FCHSD2: variants seen among roughly 807,000 people sequenced by gnomAD.
FCHSD2 encodes FCH and double SH3 domains 2, also known as F-BAR and double SH3 domains protein 2.
Under a neutral mutation model 108.1 loss-of-function variants are expected in FCHSD2, and 38 were observed. That is an observed-to-expected ratio of 0.35 (90% confidence interval 0.27 to 0.46). The LOEUF (loss-of-function observed/expected upper bound fraction) is 0.46. Ranked by LOEUF, FCHSD2 falls within the 20% of genes least tolerant of loss-of-function variation. The pLI, the probability that FCHSD2 is intolerant of heterozygous loss-of-function variation, is 1.00. For missense variants in FCHSD2, 751 were observed against 897.8 expected (o/e 0.84, Z 2.09); for synonymous variants, 279 against 314.7 (o/e 0.89, Z 1.20).
chr11:73,050,926 C>A (rs1022589824), intron 3 of FCHSD2, among the ~76,000 whole-genome samples: 2 of 152,184 alleles, frequency 1.3e-5, no homozygotes, highest in African/African-American at 4.8e-5. Context: ...CTGTTTGTTA[C>A]TGATACATAA....
rs1861266109 is a variant in FCHSD2, at chr11:73,142,181, G to T, written c.-304C>A. 4.6e-6 allele frequency: 1 copy of T among 218,146 alleles called. No individual in the cohort carries two copies. 13.5% of individuals were successfully genotyped at this position (218,146 alleles called of 1,614,324 possible). ...AGGGGGCGGGGGCCCCAGGAGCAGG[G>T]GCGCGAGGGTCTCAGCCGGCCGGGC... is the stretch of plus-strand genomic sequence containing the variant. On this transcript the variant is annotated 5_prime_UTR_variant, in exon 1 of 20. Coordinates refer to ENST00000409418, the MANE Select transcript of FCHSD2 (RefSeq NM_014824.3).
At chr11:73,103,374 T>C (rs1380148782) in intron 2 of FCHSD2, among the ~76,000 whole-genome samples, 1 of 152,200 alleles carries the variant, frequency 6.6e-6, no homozygotes, top group African/African-American at 2.4e-5. Flanking sequence ...AAAAATTACT[T>C]CATTGTTTCT....
rs1860769155 is a variant in FCHSD2 at position 72,837,574 on chromosome 11, G to A, written c.*1217C>T. On this transcript the variant is annotated 3_prime_UTR_variant, in exon 20 of 20. Transcript: ENST00000409418. ...GCAGACAGTCAGCACCTGACGTGGG[G>A]GCACCTGCTGCTGCAGGCTTGCTGG... 1 of 152,174 alleles carries A rather than the reference G, an allele frequency of 6.6e-6. No individual in the cohort carries two copies. The highest frequency in any genetic ancestry group is 2.1e-4 in the South Asian group (1 of 4,832). 9.4% of individuals were successfully genotyped at this position (152,174 alleles called of 1,614,324 possible).
At chr11:73,067,441 C>T (rs1015719975) in intron 3 of FCHSD2, among the ~76,000 whole-genome samples, 4 of 151,552 alleles carry the variant, frequency 2.6e-5, no homozygotes, top group African/African-American at 4.9e-5. Context: ...AACAAAACTG[C>T]GCGTTCTGCA....
At chr11:73,114,269 A>C (rs754812329) in intron 2 of FCHSD2, among the ~76,000 whole-genome samples, 1 of 151,952 alleles carries the variant, frequency 6.6e-6, no homozygotes, top group Non-Finnish European at 1.5e-5. Flanking sequence ...CTTCAGGCTC[A>C]AGTGCTCTTC....
intron 2 of FCHSD2, among the ~76,000 whole-genome samples, chr11:73,139,209 T>C (rs148876541): frequency 6.6e-6 from 1 of 152,342 alleles, no homozygotes; most frequent in East Asian, 1.9e-4. Flanking sequence ...ATATTTTTCA[T>C]GAAACCAACA....
chr11:72,954,877 T>TACAC (rs374494257), intron 8 of FCHSD2, among the ~76,000 whole-genome samples: 3 of 151,540 alleles, frequency 2.0e-5, no homozygotes, highest in Non-Finnish European at 4.4e-5. Flanking sequence ...TCTATACATA[T>TACAC]ACACACACAC....
chr11:72,859,863 C>T (rs894852263), intron 13 of FCHSD2, among the ~76,000 whole-genome samples: 2 of 152,150 alleles, frequency 1.3e-5, no homozygotes, highest in Non-Finnish European at 2.9e-5. Context: ...GTAAAAACTT[C>T]ATAAGGCACA....
chr11:72,865,204 G>C (rs1263854261), intron 13 of FCHSD2, among the ~76,000 whole-genome samples: 1 of 152,212 alleles, frequency 6.6e-6, no homozygotes, highest in Non-Finnish European at 1.5e-5. Flanking sequence ...TTAGCCTCTA[G>C]AATGTGCATT....
rs906323478 is a variant in FCHSD2, at chr11:72,925,096, T to C, written c.706-3146A>G. Reference sequence around the variant, plus strand: ...GGCATGGATTTTAAGGTGAACCATATACCCACACAGTTTCTATTATCTCAG... The same window carrying C: ...GGCATGGATTTTAAGGTGAACCATACACCCACACAGTTTCTATTATCTCAG... On this transcript the variant is annotated intron_variant, in intron 8 of 19. Transcript: ENST00000409418. 5.3e-5 allele frequency among the ~76,000 whole-genome samples: 8 copies of C among 152,118 alleles called. 1 individual carries two copies. The highest frequency in any genetic ancestry group is 6.5e-5 in the Admixed American group (1 of 15,276).
intron 5 of FCHSD2, among the ~76,000 whole-genome samples, chr11:72,990,568 A>G (rs1176708545): frequency 2.6e-5 from 4 of 152,180 alleles, no homozygotes; most frequent in Middle Eastern, 3.2e-3. Flanking sequence ...AAAACCACTC[A>G]ACTACATGCA....
rs767662932 is a variant in FCHSD2 at position 72,843,182 on chromosome 11, G to A, written c.1674C>T (p.Leu558=). The A allele has an allele frequency of 1.5e-5, 24 of 1,613,976 alleles. No individual in the cohort carries two copies. In the Admixed American group the frequency reaches 1.7e-4, roughly 11 times the overall value. The change falls in exon 16 of 20, where the codon CTC becomes CTT. Residue 558 remains leucine (L), a synonymous_variant. Coordinates refer to ENST00000409418, the MANE Select transcript of FCHSD2 (RefSeq NM_014824.3). ...CATCTCCGTTGAGGCTGCCTGAAAC[G>A]AGTTCTGCTTCCGTGGAATTGCTGG... ...HTSSNSTEAE[L]VSGSLNGDAS...
intron 3 of FCHSD2, among the ~76,000 whole-genome samples, chr11:73,025,485 TTTGGAGGG>T (rs1858206215): frequency 6.6e-6 from 1 of 151,788 alleles, no homozygotes. Flanking sequence ...ACTGAGGCCT[TTTGGAGGG>T]TGGAGGGTGG....
intron 13 of FCHSD2, among the ~76,000 whole-genome samples, chr11:72,855,439 G>A (rs1280776460): frequency 6.6e-6 from 1 of 152,072 alleles, no homozygotes; most frequent in African/African-American, 2.4e-5. Flanking sequence ...TCATGCCACT[G>A]TACTCCAGCC....
At chr11:72,909,194 G>A (rs191384737) in intron 9 of FCHSD2, among the ~76,000 whole-genome samples, 62 of 151,954 alleles carry the variant, frequency 4.1e-4, no homozygotes, top group African/African-American at 1.3e-3. Context: ...ACGCCGCCAC[G>A]CCTGACTGGT....
At chr11:72,969,174 T>C (rs1856965963) in intron 8 of FCHSD2, among the ~76,000 whole-genome samples, 5 of 152,212 alleles carry the variant, frequency 3.3e-5, no homozygotes, top group Admixed American at 2.6e-4. Context: ...AGTGTAGCCA[T>C]GTCAAAATCA....
intron 8 of FCHSD2, among the ~76,000 whole-genome samples, chr11:72,980,323 T>C (rs1036838282): frequency 2.0e-5 from 3 of 152,336 alleles, no homozygotes; most frequent in East Asian, 1.9e-4. Context: ...TATTAATTTA[T>C]GATCATGAAT....
intron 2 of FCHSD2, among the ~76,000 whole-genome samples, chr11:73,098,482 A>T (rs1860142933): frequency 6.6e-6 from 1 of 152,200 alleles, no homozygotes; most frequent in African/African-American, 2.4e-5. Flanking sequence ...TATCCTGGAA[A>T]ATGTTTTATG....
intron 8 of FCHSD2, among the ~76,000 whole-genome samples, chr11:72,957,358 T>A (rs1218652325): frequency 6.6e-6 from 1 of 151,438 alleles, no homozygotes; most frequent in Non-Finnish European, 1.5e-5. Flanking sequence ...ATAAAGGACA[T>A]GAACTCATCA....
Sources: allele counts gnomAD v4.1 joint callset (sites outside exome capture counted in the v4.1 genomes callset), GRCh38; gene constraint gnomAD v4.1.1; transcripts MANE v1.5; gene names NCBI Gene and HGNC (gene_info 2026-07-23, HGNC 2026-07-21).